Variants in KIF16B observed in about 807,000 individuals in gnomAD.
KIF16B encodes kinesin family member 16B.
In KIF16B, 98 loss-of-function variants were observed where a neutral mutation model predicts 156.3. The observed-to-expected ratio is 0.63, with a 90% CI of 0.53 to 0.74. KIF16B has a LOEUF of 0.74. Among genes scored for constraint, KIF16B ranks in the 30% least tolerant of loss-of-function variants. The probability of loss-of-function intolerance (pLI) is 0.00; values close to 1 mark genes in which losing one functional copy is unlikely to be tolerated. For missense variants in KIF16B, 1,421 were observed against 1,606.5 expected, an observed-to-expected ratio of 0.88 and a Z score of 1.97; for synonymous variants, 564 against 583.7, an observed-to-expected ratio of 0.97 and a Z score of 0.49.
At chr20:16,502,129 G>A (rs2068644466) in intron 10 of KIF16B, among the ~76,000 whole-genome samples, 1 of 152,058 alleles carries the variant, frequency 6.6e-6, no homozygotes, top group East Asian at 1.9e-4. Flanking sequence ...AAACTCTGAT[G>A]CACATGACTT....
intron 12 of KIF16B, among the ~76,000 whole-genome samples, chr20:16,460,234 G>A (rs1196905155): frequency 2.0e-5 from 3 of 152,086 alleles, no homozygotes; most frequent in South Asian, 2.1e-4. Context: ...GTTTCTCCTC[G>A]GCTTGAGAAT....
At chr20:16,424,940 C>G (rs1036771459) in intron 15 of KIF16B, among the ~76,000 whole-genome samples, 2 of 152,076 alleles carry the variant, frequency 1.3e-5, no homozygotes, top group Non-Finnish European at 2.9e-5. Context: ...GGTATAAACT[C>G]CTTGTTAGCA....
intron 25 of KIF16B, among the ~76,000 whole-genome samples, chr20:16,275,038 G>A (rs994551267): frequency 6.6e-6 from 1 of 151,476 alleles, no homozygotes; most frequent in African/African-American, 2.4e-5. Flanking sequence ...AGTAAAACTG[G>A]TGCATGATAA....
chr20:16,411,139 C>T (rs1293776995), intron 15 of KIF16B, among the ~76,000 whole-genome samples: 1 of 152,088 alleles, frequency 6.6e-6, no homozygotes, highest in Non-Finnish European at 1.5e-5. Flanking sequence ...AACCAGCCTG[C>T]TGAATATTCA....
intron 17 of KIF16B, among the ~76,000 whole-genome samples, chr20:16,398,758 A>G (rs1167060250): frequency 6.6e-6 from 1 of 152,210 alleles, no homozygotes; most frequent in Non-Finnish European, 1.5e-5. Flanking sequence ...GCGGAAGGAA[A>G]AAAATTCCCA....
chr20:16,558,170 C>A (rs549331007), intron 1 of KIF16B, among the ~76,000 whole-genome samples: 15 of 152,200 alleles, frequency 9.9e-5, no homozygotes, highest in Admixed American at 9.8e-4. Context: ...CTCCAGCAGA[C>A]GAGTGGCAGG....
At chr20:16,353,241 C>T (rs915208637) in intron 23 of KIF16B, among the ~76,000 whole-genome samples, 1 of 152,054 alleles carries the variant, frequency 6.6e-6, no homozygotes, top group African/African-American at 2.4e-5. Context: ...CCATATATTA[C>T]CATAAGCATG....
At chr20:16,445,739 G>A (rs1015474889) in intron 12 of KIF16B, among the ~76,000 whole-genome samples, 2 of 152,110 alleles carry the variant, frequency 1.3e-5, no homozygotes, top group Non-Finnish European at 1.5e-5. Context: ...GTGTGACTCA[G>A]GACAGTGTGC....
chr20:16,366,152 G>A (rs1487899867), intron 22 of KIF16B, among the ~76,000 whole-genome samples: 1 of 152,154 alleles, frequency 6.6e-6, no homozygotes, highest in Non-Finnish European at 1.5e-5. Context: ...TACCTAGGAG[G>A]AGGCAGCTGA....
chr20:16,331,460 T>G (rs577576314), intron 24 of KIF16B, among the ~76,000 whole-genome samples: 21 of 152,352 alleles, frequency 1.4e-4, no homozygotes, highest in Admixed American at 6.5e-4. Flanking sequence ...TTGGCAAGCA[T>G]ATTCCTAATT....
At chr20:16,327,641 G>A (rs749875072) in intron 24 of KIF16B, among the ~76,000 whole-genome samples, 2 of 152,034 alleles carry the variant, frequency 1.3e-5, no homozygotes, top group Non-Finnish European at 2.9e-5. Context: ...AGCTTCCCAG[G>A]TAATTTGGAT....
At chr20:16,564,454 T>C (rs1455762177) in intron 1 of KIF16B, among the ~76,000 whole-genome samples, 6 of 151,774 alleles carry the variant, frequency 4.0e-5, no homozygotes, top group East Asian at 3.9e-4. Context: ...TAGGTGGGAA[T>C]TGAACAATGA....
chr20:16,506,040 T>C lies in KIF16B; in HGVS notation c.850A>G (p.Asn284Asp), dbSNP rs750831986. The change falls in exon 8 of 26, where the codon AAC becomes GAC. Residue 284 changes from asparagine to aspartate, a missense_variant. Asn to Asp is a conservative substitution (Grantham distance 23). Transcript: ENST00000354981. Reference protein sequence around the residue: ...NINKSLVTLGNVISALADLSQ... With the variant: ...NINKSLVTLGDVISALADLSQ... Reference sequence around the variant, plus strand: ...AGCATACCTAAGGCAGAAATGACGTTCCCCAGAGTCACGAGGGACTTGTTA... The same window carrying C: ...AGCATACCTAAGGCAGAAATGACGTCCCCCAGAGTCACGAGGGACTTGTTA... 1 of 1,614,126 alleles carries C rather than the reference T, an allele frequency of 6.2e-7. No homozygotes were observed. Among genetic ancestry groups the C allele is most frequent in the South Asian group, 1.1e-5 (1 of 91,076 alleles).
intron 25 of KIF16B, among the ~76,000 whole-genome samples, chr20:16,286,976 T>G (rs1341068695): frequency 2.0e-5 from 3 of 152,198 alleles, no homozygotes; most frequent in Non-Finnish European, 4.4e-5. Context: ...TGCAGGCCCA[T>G]AAGTGGCGTG....
At chr20:16,356,244 C>T in intron 23 of KIF16B, 86 bp downstream of exon 23, 1 of 1,519,768 alleles carries the variant, frequency 6.6e-7, no homozygotes, top group African/African-American at 1.4e-5. Context: ...CATGCAGCTT[C>T]ATCCCCCTTT....
chr20:16,275,030 T>A (rs2063039559), intron 25 of KIF16B, among the ~76,000 whole-genome samples: 1 of 151,698 alleles, frequency 6.6e-6, no homozygotes, highest in Non-Finnish European at 1.5e-5. Flanking sequence ...TTAATGGAAG[T>A]AAAACTGGTG....
intron 15 of KIF16B, among the ~76,000 whole-genome samples, chr20:16,417,431 G>A (rs777027186): frequency 1.3e-5 from 2 of 152,108 alleles, no homozygotes; most frequent in Non-Finnish European, 2.9e-5. Flanking sequence ...CATCCAGCTA[G>A]GTAAACTGTC....
intron 12 of KIF16B, among the ~76,000 whole-genome samples, chr20:16,436,163 G>T (rs2066636086): frequency 6.6e-6 from 1 of 151,852 alleles, no homozygotes; most frequent in Non-Finnish European, 1.5e-5. Context: ...ATATGCTTAG[G>T]CGTATCTGTG....
intron 22 of KIF16B, among the ~76,000 whole-genome samples, chr20:16,362,767 C>T (rs2064575275): frequency 6.6e-6 from 1 of 152,030 alleles, no homozygotes; most frequent in African/African-American, 2.4e-5. Flanking sequence ...GTAGGATCAC[C>T]ATAAATATCA....
Sources: allele counts gnomAD v4.1 joint callset (sites outside exome capture counted in the v4.1 genomes callset), GRCh38; gene constraint gnomAD v4.1.1; transcripts MANE v1.5; gene names NCBI Gene and HGNC (gene_info 2026-07-23, HGNC 2026-07-21).